Variants in PTPRO observed in about 807,000 individuals in gnomAD.
The protein encoded by PTPRO is receptor-type tyrosine-protein phosphatase O.
PTPRO carries 62 observed loss-of-function variants against 145.2 expected under a neutral mutation model. The ratio of observed to expected loss-of-function variants is 0.43; its 90% confidence interval spans 0.35 to 0.53. The LOEUF (loss-of-function observed/expected upper bound fraction) is 0.53. Ranked by LOEUF, PTPRO falls within the 20% of genes least tolerant of loss-of-function variation. The pLI is 0.01. For synonymous variants in PTPRO, 565 were observed against 514.7 expected (o/e 1.10, Z -1.32); for missense variants, 1,345 against 1,482.7 (o/e 0.91, Z 1.53).
At chr12:15,437,668 C>T (rs1348008743) in intron 1 of PTPRO, among the ~76,000 whole-genome samples, 2 of 152,224 alleles carry the variant, frequency 1.3e-5, no homozygotes, top group African/African-American at 2.4e-5. Context: ...CAGGAAGGCC[C>T]TCTCTGCTCC....
At chr12:15,352,386 C>G (rs533790162) in intron 1 of PTPRO, among the ~76,000 whole-genome samples, 1 of 152,144 alleles carries the variant, frequency 6.6e-6, no homozygotes, top group Non-Finnish European at 1.5e-5. Flanking sequence ...CGTGGTGGCT[C>G]AAGCCTGTAA....
chr12:15,581,641 C>T (rs1944320044), intron 22 of PTPRO, 38 bp from the exon 23 acceptor site: 1 of 1,608,542 alleles, frequency 6.2e-7, no homozygotes, highest in African/African-American at 1.3e-5. Context: ...CCTTTCCTAG[C>T]CTGTTTGTTT....
intron 1 of PTPRO, among the ~76,000 whole-genome samples, chr12:15,446,531 A>T (rs994602978): frequency 4.6e-5 from 7 of 151,806 alleles, no homozygotes; most frequent in Non-Finnish European, 7.4e-5. Flanking sequence ...TTATTCTAAT[A>T]TTTGCTAGGG....
At chr12:15,563,030 C>T (rs1943813773) in intron 17 of PTPRO, among the ~76,000 whole-genome samples, 1 of 152,078 alleles carries the variant, frequency 6.6e-6, no homozygotes, top group Non-Finnish European at 1.5e-5. Flanking sequence ...TATTATAAAT[C>T]TCATGTCCTT....
intron 1 of PTPRO, among the ~76,000 whole-genome samples, chr12:15,401,936 G>T (rs562482445): frequency 3.0e-4 from 46 of 152,250 alleles, no homozygotes; most frequent in South Asian, 4.1e-4. Flanking sequence ...ACGCAGAAAT[G>T]GTCTAACATT....
chr12:15,440,033 G>T (rs1940716868), intron 1 of PTPRO: 1 of 659,720 alleles, frequency 1.5e-6, no homozygotes, highest in South Asian at 1.6e-5. Context: ...AGGCTACAGG[G>T]GTAACAAGAT....
At chr12:15,485,898 T>G (rs548727629) in intron 2 of PTPRO, among the ~76,000 whole-genome samples, 22 of 152,314 alleles carry the variant, frequency 1.4e-4, no homozygotes, top group Admixed American at 1.4e-3. Context: ...TTTTCACTGA[T>G]TCCTTGAGGA....
intron 10 of PTPRO, 103 bp from the exon 11 acceptor site, chr12:15,524,711 T>C (rs916149713): frequency 1.6e-6 from 2 of 1,281,780 alleles, no homozygotes; most frequent in African/African-American, 1.5e-5. Context: ...TGCTGTGAAT[T>C]CTAATTCGCT....
intron 19 of PTPRO, among the ~76,000 whole-genome samples, chr12:15,571,342 C>T (rs1944043361): frequency 6.6e-6 from 1 of 152,158 alleles, no homozygotes; most frequent in African/African-American, 2.4e-5. Flanking sequence ...GGCTAGAGAG[C>T]AGTGGCGCGA....
chr12:15,579,064 C>T (rs756948222), intron 20 of PTPRO, 121 bp downstream of exon 20: 14 of 793,946 alleles, frequency 1.8e-5, no homozygotes, highest in African/African-American at 3.4e-5. Context: ...CTCAAGGCCA[C>T]GTCTGAGATT....
chr12:15,329,954 G>A (rs1186663710), intron 1 of PTPRO, among the ~76,000 whole-genome samples: 1 of 152,208 alleles, frequency 6.6e-6, no homozygotes, highest in African/African-American at 2.4e-5. Context: ...CAAAGGCCCA[G>A]TGTTGTGAAA....
chr12:15,556,247 C>G (rs1943621369), intron 15 of PTPRO, among the ~76,000 whole-genome samples: 1 of 152,064 alleles, frequency 6.6e-6, no homozygotes, highest in South Asian at 2.1e-4. Context: ...TTATAATACA[C>G]TATGATATTA....
chr12:15,477,875 G>A (rs1279422673), intron 1 of PTPRO, among the ~76,000 whole-genome samples: 2 of 152,078 alleles, frequency 1.3e-5, no homozygotes, highest in Non-Finnish European at 2.9e-5. Flanking sequence ...TGGGTGCATG[G>A]GTATCTCTTG....
chr12:15,499,429 T>G lies in PTPRO; in HGVS notation c.509-13T>G, dbSNP rs777050427. On this transcript the variant is annotated splice_polypyrimidine_tract_variant and intron_variant, in intron 3 of 26. Transcript: ENST00000281171. The stretch of plus-strand genomic sequence containing the variant: ...AGACCATATTTTTCATGTAATTGAT[T>G]TTCTCTTCACAGATTTCTTTAAGGG... 6.2e-7 allele frequency: 1 copy of G among 1,610,994 alleles called. No homozygotes were observed.
chr12:15,488,840 C>A (rs1390826904), intron 2 of PTPRO, among the ~76,000 whole-genome samples: 1 of 152,142 alleles, frequency 6.6e-6, no homozygotes, highest in East Asian at 1.9e-4. Context: ...TGATTGAGAA[C>A]CTTCAGTATA....
At chr12:15,549,299 A>G (rs934431689) in intron 14 of PTPRO, 73 bp downstream of exon 14, 1 of 1,193,798 alleles carries the variant, frequency 8.4e-7, no homozygotes, top group East Asian at 3.0e-5. Context: ...TTGTATCAAT[A>G]TTCCACCAAG....
rs554590745 is a variant in PTPRO at position 15,483,636 on chromosome 12, G to C, written c.76-338G>C. Among the ~76,000 whole-genome samples the C allele has an allele frequency of 5.7e-4, 87 of 152,038 alleles. 1 individual carries two copies. The highest frequency in any genetic ancestry group is 1.1e-3 in the Non-Finnish European group (76 of 67,970). On this transcript the variant is annotated intron_variant, in intron 1 of 26. Transcript: ENST00000281171. ...GAAACCAAGAACTTCTCTAGAACTT[G>C]AGTGTCAAAATGACTCATTCATTAT...
chr12:15,412,094 G>A (rs2136313890), intron 1 of PTPRO, among the ~76,000 whole-genome samples: 1 of 152,218 alleles, frequency 6.6e-6, no homozygotes, highest in African/African-American at 2.4e-5. Context: ...AATGTCCTTG[G>A]GATCATTCAC....
At chr12:15,593,278 G>C (rs1944590805) in intron 25 of PTPRO, among the ~76,000 whole-genome samples, 1 of 152,200 alleles carries the variant, frequency 6.6e-6, no homozygotes, top group African/African-American at 2.4e-5. Flanking sequence ...TTTTTTGTAT[G>C]AAGTTGTTAC....
Sources: allele counts gnomAD v4.1 joint callset (sites outside exome capture counted in the v4.1 genomes callset), GRCh38; gene constraint gnomAD v4.1.1; transcripts MANE v1.5; gene names NCBI Gene and HGNC (gene_info 2026-07-23, HGNC 2026-07-21).